The following ERMP1 variants were observed in gnomAD, a reference collection of about 807,000 sequenced individuals.
The protein encoded by ERMP1 is Felix-ina.
In ERMP1, 86 loss-of-function variants were observed where a neutral mutation model predicts 92.0. That is an observed-to-expected ratio of 0.93 (90% CI 0.79 to 1.12). The LOEUF is 1.12. Ranked by LOEUF, ERMP1 falls within the 50% of genes most tolerant of loss-of-function variation. The pLI, the probability that ERMP1 is intolerant of heterozygous loss-of-function variation, is 0.00. For missense variants in ERMP1, 1,342 were observed against 1,116.3 expected (o/e 1.20, Z -2.88); for synonymous variants, 530 against 412.8 (o/e 1.28, Z -3.44).
rs761665438 is a variant in ERMP1, at chr9:5,787,247, C to A, written c.2612G>T (p.Gly871Val). 1 of 1,613,922 alleles carries A rather than the reference C, an allele frequency of 6.2e-7. No homozygotes were observed. Among genetic ancestry groups the A allele is most frequent in the Non-Finnish European group, 8.5e-7 (1 of 1,180,002 alleles). ...CAGTTGAGGGGATCTCTTGTCTTCC[C>A]CAGACAGATAGTGGGCAGCAATGGC... ...TVAIAAHYLSGEDKRSPQLDA... is the reference protein window; with the variant it reads ...TVAIAAHYLSVEDKRSPQLDA... The change falls in exon 15 of 15, where the codon GGG becomes GTG. Residue 871 changes from glycine to valine, a missense_variant. Transcript: ENST00000339450.
At chr9:5,854,253 TA>T in intron 6 of ERMP1, among the ~76,000 whole-genome samples, 1 of 151,914 alleles carries the variant, frequency 6.6e-6, no homozygotes, top group East Asian at 1.9e-4. Flanking sequence ...AAACTGTCAG[TA>T]CTAGTCAGGC....
At chr9:5,850,131 T>C (rs1395039379) in intron 6 of ERMP1, among the ~76,000 whole-genome samples, 3 of 152,106 alleles carry the variant, frequency 2.0e-5, no homozygotes, top group Non-Finnish European at 4.4e-5. Context: ...TTACACTCTG[T>C]GGACTAGTGT....
chr9:5,817,563 G>A (rs1043151436), intron 4 of ERMP1, among the ~76,000 whole-genome samples: 3 of 152,214 alleles, frequency 2.0e-5, no homozygotes, highest in Admixed American at 6.5e-5. Context: ...AGAGTAAGGT[G>A]GCAGGCAGAT....
intron 8 of ERMP1, among the ~76,000 whole-genome samples, chr9:5,808,568 G>A (rs1422130920): frequency 6.6e-6 from 1 of 152,108 alleles, no homozygotes; most frequent in Non-Finnish European, 1.5e-5. Context: ...AAGGATGTTG[G>A]GTTAAAATCA....
chr9:5,839,964 G>A (rs753281251), intron 6 of ERMP1, among the ~76,000 whole-genome samples: 5 of 152,170 alleles, frequency 3.3e-5, no homozygotes, highest in African/African-American at 4.8e-5. Flanking sequence ...AGTCTAGGCC[G>A]GGCACGGTGG....
intron 5 of ERMP1, among the ~76,000 whole-genome samples, chr9:5,864,656 C>T (rs943648400): frequency 1.3e-5 from 2 of 152,120 alleles, no homozygotes. Context: ...TTTCCAGATC[C>T]GCAAGAATTC....
chr9:5,832,423 G>A (rs1829978839), intron 1 of ERMP1: 4 of 427,122 alleles, frequency 9.4e-6, no homozygotes, highest in Non-Finnish European at 1.6e-5. Context: ...TCTGCACGAA[G>A]GGCAGACAGT....
intron 5 of ERMP1, 40 bp from the exon 6 acceptor site, chr9:5,812,257 T>C: frequency 7.9e-7 from 1 of 1,266,890 alleles, no homozygotes; most frequent in African/African-American, 1.5e-5. Context: ...CATTTTGCTT[T>C]AAAGATCAAC....
chr9:5,849,861 A>C (rs781091168), intron 6 of ERMP1, among the ~76,000 whole-genome samples: 2 of 152,198 alleles, frequency 1.3e-5, no homozygotes, highest in African/African-American at 4.8e-5. Context: ...AGACAGTAAA[A>C]TCTAGGCCAA....
intron 12 of ERMP1, among the ~76,000 whole-genome samples, chr9:5,798,320 A>G (rs1828529873): frequency 6.6e-6 from 1 of 152,014 alleles, no homozygotes; most frequent in South Asian, 2.1e-4. Context: ...GGGTTCAAGC[A>G]ATTCCCCTGC....
intron 5 of ERMP1, 104 bp downstream of exon 5, chr9:5,812,785 A>C (rs574967553): frequency 9.8e-5 from 125 of 1,272,302 alleles, no homozygotes; most frequent in Non-Finnish European, 1.3e-4. Flanking sequence ...TCACATAAAG[A>C]ATTTGATCTC....
At chr9:5,853,709 C>T (rs1017845167) in intron 6 of ERMP1, among the ~76,000 whole-genome samples, 1 of 151,496 alleles carries the variant, frequency 6.6e-6, no homozygotes, top group Admixed American at 6.6e-5. Context: ...AAGTGGTACT[C>T]AAACTCGAGC....
chr9:5,792,584 T>TA lies in ERMP1; in HGVS notation c.2387-4992dup, dbSNP rs1828244146. ...CTAAATTGCTGGTCAATTTAAGACT[T>TA]AAACTTTAGGGCAAGAAAAACCACA... On this transcript the variant is annotated intron_variant, in intron 13 of 14. Coordinates refer to ENST00000339450, the MANE Select transcript of ERMP1 (RefSeq NM_024896.3). 2.6e-5 allele frequency among the ~76,000 whole-genome samples: 4 copies of TA among 152,102 alleles called. No homozygotes were observed. In the South Asian group the frequency reaches 8.3e-4, roughly 31 times the overall value.
At position 5,805,771 on chromosome 9, in the gene ERMP1, C is replaced by T. The variant is rs762687385; in HGVS notation, c.1563G>A (p.Gln521=). ...TGTCAAAAAATACTTCTCCCAGATA[C>T]TGGGCACTGGCATTCTGAAAGAAAG... is the stretch of plus-strand genomic sequence containing the variant. ...KRFYYMNASA[Q]YLGEVFFDIS... The change falls in exon 9 of 15, where the codon CAG becomes CAA. Residue 521 remains glutamine (Q), a synonymous_variant. Coordinates refer to ENST00000339450, the MANE Select transcript of ERMP1 (RefSeq NM_024896.3). The T allele has an allele frequency of 2.5e-6, 4 of 1,602,626 alleles. No homozygotes were observed. The African/African-American group carries it at 4.1e-5, about 16-fold the overall frequency.
At chr9:5,798,125 G>A (rs577747182) in intron 12 of ERMP1, among the ~76,000 whole-genome samples, 193 bp from the exon 13 acceptor site, 2 of 152,290 alleles carry the variant, frequency 1.3e-5, no homozygotes, top group South Asian at 2.1e-4. Flanking sequence ...GAACAAAGGA[G>A]TAACCTAGGT....
rs548517991 is a variant in ERMP1, at chr9:5,849,890, T to G, written n.3199+9578A>C. ...AGGCCAAAGGGCACTCTTCCACCCA[T>G]GCCCCAAACTCACACATGCCTTATT... On this transcript the variant is annotated intron_variant and non_coding_transcript_variant, in intron 6 of 6. Transcript: ENST00000690753. Among the ~76,000 whole-genome samples the G allele has an allele frequency of 1.1e-4, 17 of 152,292 alleles. No homozygotes were observed. The South Asian group carries it at 3.5e-3, about 32-fold the overall frequency.
chr9:5,833,636 C>T (rs143174979), upstream of ERMP1, among the ~76,000 whole-genome samples: 317 of 152,318 alleles, frequency 2.1e-3, no homozygotes, highest in African/African-American at 3.7e-3. Context: ...ATGAGCTAAG[C>T]GCTAGGTCAA....
intron 2 of ERMP1, among the ~76,000 whole-genome samples, chr9:5,830,155 G>A (rs1337622808): frequency 1.3e-5 from 2 of 152,168 alleles, no homozygotes; most frequent in Non-Finnish European, 2.9e-5. Flanking sequence ...TTTGAATGCA[G>A]CCCAATACAA....
chr9:5,794,170 A>G (rs1828316290), intron 13 of ERMP1, among the ~76,000 whole-genome samples: 1 of 152,168 alleles, frequency 6.6e-6, no homozygotes, highest in Admixed American at 6.5e-5. Context: ...TGGAGATTAA[A>G]GAACACACTT....
Sources: allele counts gnomAD v4.1 joint callset (sites outside exome capture counted in the v4.1 genomes callset), GRCh38; gene constraint gnomAD v4.1.1; transcripts MANE v1.5; gene names NCBI Gene and HGNC (gene_info 2026-07-23, HGNC 2026-07-21).